Variants in MAP3K15 observed in about 807,000 individuals in gnomAD.
MAP3K15 encodes the protein mitogen-activated protein kinase kinase kinase 15, also known as MAPK/ERK kinase kinase 15.
MAP3K15 carries 124 observed loss-of-function variants against 99.5 expected under a neutral mutation model. That is an observed-to-expected ratio of 1.25 (90% CI 1.08 to 1.45). The LOEUF (loss-of-function observed/expected upper bound fraction) is 1.45, where lower values mean the gene tolerates loss of function less well. MAP3K15 is among the 40% of genes most tolerant of loss of function. The pLI is 0.00. For synonymous variants in MAP3K15, 494 were observed against 439.6 expected (o/e 1.12, Z -1.55); for missense variants, 1,242 against 1,079.7 (o/e 1.15, Z -2.11).
intron 9 of MAP3K15, among the ~76,000 whole-genome samples, chrX:19,421,980 G>T (rs1429331451): frequency 1.8e-4 from 20 of 110,612 alleles, no homozygotes; most frequent in Admixed American, 7.7e-4. Context: ...TAGCCATATG[G>T]AGAAAGCTGA....
At chrX:19,405,828 C>A (rs1422089481) in intron 13 of MAP3K15, among the ~76,000 whole-genome samples, 2 of 111,908 alleles carry the variant, frequency 1.8e-5, no homozygotes, top group African/African-American at 6.5e-5. Context: ...AGGGGTAAAC[C>A]CTGAGAAATT....
At chrX:19,371,674 A>G in intron 22 of MAP3K15, 144 bp from the exon 23 acceptor site, 1 of 514,300 alleles carries the variant, frequency 1.9e-6, no homozygotes, top group South Asian at 3.7e-5. Context: ...TTCCCTCCAT[A>G]ACCTTCCTGT....
intron 25 of MAP3K15, among the ~76,000 whole-genome samples, chrX:19,365,145 G>A (rs761906039): frequency 1.3e-3 from 139 of 108,948 alleles, no homozygotes; most frequent in African/African-American, 4.5e-3. Flanking sequence ...GGAGGCAGAG[G>A]TTGCAGTGAG....
intron 3 of MAP3K15, among the ~76,000 whole-genome samples, chrX:19,477,444 C>T (rs983072703): frequency 2.9e-4 from 32 of 111,405 alleles, no homozygotes; most frequent in African/African-American, 7.8e-4. Flanking sequence ...TGGCTCATGC[C>T]TGTAACCCCG....
At chrX:19,380,761 T>C (rs1470732443) in intron 18 of MAP3K15, among the ~76,000 whole-genome samples, 1 of 112,794 alleles carries the variant, frequency 8.9e-6, no homozygotes, top group Non-Finnish European at 1.9e-5. Context: ...CCTCAGGTGA[T>C]GTGCCTGCCT....
intron 25 of MAP3K15, among the ~76,000 whole-genome samples, chrX:19,365,033 G>A (rs901283859): frequency 2.7e-5 from 3 of 109,287 alleles, no homozygotes; most frequent in South Asian, 4.0e-4. Flanking sequence ...GTGAAACCCC[G>A]TCTCTACTAA....
intron 14 of MAP3K15, among the ~76,000 whole-genome samples, chrX:19,400,090 A>C (rs2063597244): frequency 8.9e-6 from 1 of 112,453 alleles, no homozygotes; most frequent in African/African-American, 3.2e-5. Context: ...TAACTGGGCA[A>C]GATTTAAACA....
chrX:19,499,812 A>T (rs1459209130), intron 1 of MAP3K15, among the ~76,000 whole-genome samples: 1 of 112,152 alleles, frequency 8.9e-6, no homozygotes, highest in African/African-American at 3.2e-5. Flanking sequence ...GAGAGGGGAC[A>T]TGATGGAACT....
Position 19,486,508 on chromosome X carries a change from G to A in MAP3K15, c.502-3C>T, listed in dbSNP as rs2064326868. On this transcript the variant is annotated splice_region_variant and splice_polypyrimidine_tract_variant and intron_variant, in intron 2 of 28. Coordinates refer to ENST00000338883, the MANE Select transcript of MAP3K15 (RefSeq NM_001001671.4). ...GTGTTTTTTTGAGTTACCATGTCCT[G>A]AAAAGAAAAAGAAAAGATGAATATA... 5 of 881,805 alleles carry A rather than the reference G, an allele frequency of 5.7e-6. No homozygotes were observed. The highest frequency in any genetic ancestry group is 6.1e-6 in the Non-Finnish European group (4 of 656,773). 72.7% of individuals were successfully genotyped at this position (881,805 alleles called of 1,213,427 possible). A position where few individuals can be genotyped will look rare whatever the true frequency, so the allele number is the denominator to read the frequency against.
intron 8 of MAP3K15, 24 bp from the exon 9 acceptor site, chrX:19,425,714 G>A (rs747342330): frequency 3.4e-6 from 4 of 1,167,835 alleles, no homozygotes; most frequent in Admixed American, 2.4e-5. Flanking sequence ...ATTTTTGATA[G>A]TCAGAATAAT....
At chrX:19,408,673 A>T (rs1266396574) in intron 12 of MAP3K15, 1 of 111,719 alleles carries the variant, frequency 9.0e-6, no homozygotes, top group Non-Finnish European at 1.9e-5. Flanking sequence ...AAAATAATTT[A>T]AAAAATAAAA....
intron 1 of MAP3K15, among the ~76,000 whole-genome samples, chrX:19,490,458 C>T (rs1040630344): frequency 1.8e-5 from 2 of 110,967 alleles, no homozygotes; most frequent in African/African-American, 6.6e-5. Context: ...CAACATATAA[C>T]GTGCCCTGGC....
At chrX:19,447,883 C>CTAAAAAAA (rs2064011447) in intron 6 of MAP3K15, among the ~76,000 whole-genome samples, 1 of 25,958 alleles carries the variant, frequency 3.9e-5, no homozygotes, top group Non-Finnish European at 6.9e-5. Context: ...GACTCCGTCT[C>CTAAAAAAA]AAAAAAAAAA....
chrX:19,392,546 G>A, intron 16 of MAP3K15, 73 bp from the exon 17 acceptor site: 2 of 1,088,420 alleles, frequency 1.8e-6, no homozygotes, highest in Non-Finnish European at 2.5e-6. Context: ...ATAAAGTGAG[G>A]TGAGGTTTCT....
chrX:19,362,334 T>G (rs1429526343), intron 26 of MAP3K15, among the ~76,000 whole-genome samples: 2 of 104,597 alleles, frequency 1.9e-5, no homozygotes, highest in Non-Finnish European at 3.9e-5. Context: ...TGGGCTCAGG[T>G]GATCCTCCCA....
chrX:19,373,445 G>A, intron 21 of MAP3K15, 91 bp downstream of exon 21: 1 of 1,050,663 alleles, frequency 9.5e-7, no homozygotes, highest in East Asian at 3.3e-5. Flanking sequence ...CCCCTCAGTG[G>A]CCATCTGGTT....
chrX:19,406,644 A>C (rs2063650088), intron 13 of MAP3K15, among the ~76,000 whole-genome samples: 1 of 112,594 alleles, frequency 8.9e-6, no homozygotes, highest in African/African-American at 3.2e-5. Flanking sequence ...AAATATTCTA[A>C]AACTAGATTA....
In MAP3K15 at chrX:19,362,849, G is replaced by A. The variant is rs762556289; in HGVS notation, c.3568C>T (p.Leu1190Phe). The A allele has an allele frequency of 1.4e-5, 13 of 925,440 alleles. No homozygotes were observed. In the Admixed American group the frequency reaches 2.3e-4, roughly 16 times the overall value. 76.3% of individuals were successfully genotyped at this position (925,440 alleles called of 1,213,427 possible). The change falls in exon 26 of 29, where the codon CTT becomes TTT. Residue 1190 changes from leucine to phenylalanine, a missense_variant and splice_region_variant. Coordinates refer to ENST00000338883, the MANE Select transcript of MAP3K15 (RefSeq NM_001001671.4). Reference protein sequence around the residue: ...LGELRQETNRLLEHLVEKERE... With the variant: ...LGELRQETNRFLEHLVEKERE... ...TCTTTTTCAACTAGGTGTTCCAAAA[G>A]TCTGGTTTAAAAAAAAAAAAAAAAA...
chrX:19,504,251 G>A (rs1164805744), intron 1 of MAP3K15, among the ~76,000 whole-genome samples: 1 of 111,577 alleles, frequency 9.0e-6, no homozygotes, highest in Non-Finnish European at 1.9e-5. Context: ...GAATCCCCAA[G>A]GCTTCAGTGG....
Sources: gnomAD v4.1 joint callset for allele counts (sites outside exome capture counted in the v4.1 genomes callset) on GRCh38, gnomAD v4.1.1 for gene constraint, MANE v1.5 for transcripts, NCBI Gene and HGNC (gene_info 2026-07-23, HGNC 2026-07-21) for gene names.